Variants in ADTRP observed in about 807,000 individuals in gnomAD.
The protein encoded by ADTRP is androgen-dependent TFPI-regulating protein.
In ADTRP, 20 loss-of-function variants were observed where a neutral mutation model predicts 27.0. The ratio of observed to expected loss-of-function variants is 0.74; its 90% CI spans 0.52 to 1.08. The LOEUF (loss-of-function observed/expected upper bound fraction) is 1.08. ADTRP is among the 50% of genes least tolerant of loss of function. The pLI, the probability that ADTRP is intolerant of heterozygous loss-of-function variation, is 0.00. For missense variants in ADTRP, 251 were observed against 275.0 expected (o/e 0.91, Z 0.62); for synonymous variants, 101 against 105.2 (o/e 0.96, Z 0.25).
At chr6:11,728,751 T>C (rs1441393140) in intron 4 of ADTRP, among the ~76,000 whole-genome samples, 1 of 152,216 alleles carries the variant, frequency 6.6e-6, no homozygotes, top group East Asian at 1.9e-4. Context: ...AGCAGGTTCT[T>C]TGAATTTTGA....
intron 3 of ADTRP, among the ~76,000 whole-genome samples, chr6:11,747,487 T>C (rs941749191): frequency 2.6e-5 from 4 of 152,196 alleles, no homozygotes; most frequent in Admixed American, 6.5e-5. Context: ...AACGCTGAAA[T>C]CTCCTCTGTT....
intron 1 of ADTRP, among the ~76,000 whole-genome samples, chr6:11,774,262 T>C (rs1763876363): frequency 6.6e-6 from 1 of 151,930 alleles, no homozygotes; most frequent in South Asian, 2.1e-4. Context: ...TGAGCCAAGA[T>C]TGTGCCACTG....
chr6:11,732,938 G>A (rs1044075484), intron 4 of ADTRP, among the ~76,000 whole-genome samples: 1 of 152,204 alleles, frequency 6.6e-6, no homozygotes, highest in African/African-American at 2.4e-5. Flanking sequence ...CAAATACCTG[G>A]CCATGTAAAC....
intron 3 of ADTRP, among the ~76,000 whole-genome samples, chr6:11,754,056 T>G (rs1763135434): frequency 6.6e-6 from 1 of 152,188 alleles, no homozygotes; most frequent in Non-Finnish European, 1.5e-5. Context: ...AGTTTGCAAG[T>G]ACACTCTGCA....
intron 5 of ADTRP, among the ~76,000 whole-genome samples, chr6:11,715,797 C>A (rs1761799036): frequency 7.2e-6 from 1 of 139,810 alleles, no homozygotes; most frequent in African/African-American, 2.7e-5. Context: ...TGCACACCAC[C>A]ATGCCCAGCT....
At chr6:11,723,829 G>T (rs1173099668) in intron 4 of ADTRP, among the ~76,000 whole-genome samples, 1 of 151,868 alleles carries the variant, frequency 6.6e-6, no homozygotes, top group Admixed American at 6.6e-5. Context: ...GAGGCTGAGG[G>T]GGGTGGATCA....
intron 5 of ADTRP, among the ~76,000 whole-genome samples, chr6:11,715,497 A>G (rs1761780668): frequency 6.6e-6 from 1 of 151,946 alleles, no homozygotes; most frequent in African/African-American, 2.4e-5. Flanking sequence ...TCTCATGCAA[A>G]ATTTTCAAGA....
At chr6:11,755,211 T>A in intron 3 of ADTRP, 1 of 347,370 alleles carries the variant, frequency 2.9e-6, no homozygotes, top group Non-Finnish European at 4.0e-6. Context: ...ACATCTATAC[T>A]TTTTTGATCA....
At chr6:11,717,703 G>C (rs1561737617) in intron 5 of ADTRP, among the ~76,000 whole-genome samples, 1 of 152,230 alleles carries the variant, frequency 6.6e-6, no homozygotes, top group Non-Finnish European at 1.5e-5. Context: ...ATAGTCCTGT[G>C]TTCACACTGC....
At chr6:11,733,537 C>A (rs1308048537) in intron 4 of ADTRP, among the ~76,000 whole-genome samples, 1 of 152,202 alleles carries the variant, frequency 6.6e-6, no homozygotes, top group African/African-American at 2.4e-5. Context: ...CTTTAAGAAG[C>A]CAGTCCTGCA....
rs1561734032 is a variant in ADTRP at position 11,713,624 on chromosome 6, G to A, written c.*854C>T. On this transcript the variant is annotated 3_prime_UTR_variant, in exon 6 of 6. Transcript: ENST00000414691. The stretch of plus-strand genomic sequence containing the variant: ...GCTTTGTAGCAAAGCAATCTCAACA[G>A]CCCTTATAATTCTATCACTTCCCAT... 6.6e-6 allele frequency: 1 copy of A among 152,164 alleles called. No individual in the cohort carries two copies. Among genetic ancestry groups the A allele is most frequent in the Non-Finnish European group, 1.5e-5 (1 of 68,036 alleles). The allele number at this position is 152,164 out of a possible 1,614,324, so 9.4% of individuals were successfully genotyped here.
chr6:11,765,786 TAAAA>T (rs1436765956), intron 3 of ADTRP, among the ~76,000 whole-genome samples: 3 of 152,092 alleles, frequency 2.0e-5, no homozygotes, highest in Non-Finnish European at 4.4e-5. Context: ...CAAGCCTGAA[TAAAA>T]AACCAAATGG....
intron 3 of ADTRP, among the ~76,000 whole-genome samples, chr6:11,757,453 C>A (rs995483586): frequency 6.6e-6 from 1 of 152,178 alleles, no homozygotes; most frequent in Non-Finnish European, 1.5e-5. Flanking sequence ...TATCTTTTCC[C>A]CTCTTTGATA....
chr6:11,752,502 G>A (rs1180879849), intron 3 of ADTRP, among the ~76,000 whole-genome samples: 1 of 152,204 alleles, frequency 6.6e-6, no homozygotes, highest in African/African-American at 2.4e-5. Context: ...GGCTTAGGAA[G>A]CTGTTGAAAA....
chr6:11,766,960 T>G (rs1404842746), intron 2 of ADTRP, among the ~76,000 whole-genome samples: 1 of 152,254 alleles, frequency 6.6e-6, no homozygotes, highest in Non-Finnish European at 1.5e-5. Context: ...TGCTACGAAG[T>G]CAACGCATAG....
At chr6:11,761,942 G>A (rs1763400849) in intron 3 of ADTRP, among the ~76,000 whole-genome samples, 1 of 152,158 alleles carries the variant, frequency 6.6e-6, no homozygotes, top group Non-Finnish European at 1.5e-5. Flanking sequence ...TGAGGGTGAG[G>A]AATCAGGAAG....
chr6:11,720,788 G>A (rs1394595215), intron 5 of ADTRP, among the ~76,000 whole-genome samples: 2 of 151,982 alleles, frequency 1.3e-5, no homozygotes, highest in African/African-American at 2.4e-5. Context: ...CTCTCTAACT[G>A]GTACGCCTTG....
intron 5 of ADTRP, among the ~76,000 whole-genome samples, chr6:11,715,351 A>T (rs1048946667): frequency 6.6e-6 from 1 of 152,032 alleles, no homozygotes; most frequent in Non-Finnish European, 1.5e-5. Context: ...TACTCATTCC[A>T]TTCTGCTGGA....
chr6:11,772,068 T>C (rs2113350373), intron 1 of ADTRP, among the ~76,000 whole-genome samples: 1 of 152,326 alleles, frequency 6.6e-6, no homozygotes, highest in South Asian at 2.1e-4. Context: ...TACAACAAAA[T>C]TACTATCATT....
Sources: gnomAD v4.1 joint callset for allele counts (sites outside exome capture counted in the v4.1 genomes callset) on GRCh38, gnomAD v4.1.1 for gene constraint, MANE v1.5 for transcripts, NCBI Gene and HGNC (gene_info 2026-07-23, HGNC 2026-07-21) for gene names.